Variants in EXT1 observed in about 807,000 individuals in gnomAD.
EXT1 encodes the protein exostosin-1.
In EXT1, 20 loss-of-function variants were observed where a neutral mutation model predicts 82.5. That is an observed-to-expected ratio of 0.24 (90% CI 0.17 to 0.35). EXT1 has a LOEUF of 0.35. EXT1 is among the 10% of genes least tolerant of loss of function. EXT1 has a pLI of 1.00. For missense variants in EXT1, 757 were observed against 936.5 expected (o/e 0.81, Z 2.50); for synonymous variants, 348 against 350.8 (o/e 0.99, Z 0.09).
chr8:117,936,965 G>C lies in EXT1; in HGVS notation c.963-99764C>G, dbSNP rs73323906. On this transcript the variant is annotated intron_variant, in intron 1 of 10. Transcript: ENST00000378204. ...TTCTAGATGTGGCCCAGAGCATTCT[G>C]ATTAACCCATTCAACACAGCACCTG... Among the ~76,000 whole-genome samples the C allele has an allele frequency of 6.8e-3, 1,031 of 152,254 alleles. 17 individuals are homozygous for C. Among genetic ancestry groups the C allele is most frequent in the African/African-American group, 0.024 (984 of 41,536 alleles).
At chr8:118,089,724 T>C (rs1021992191) in intron 1 of EXT1, among the ~76,000 whole-genome samples, 9 of 152,184 alleles carry the variant, frequency 5.9e-5, no homozygotes, top group African/African-American at 1.7e-4. Context: ...AAAGGTAAAA[T>C]TGAGCTTCTG....
At chr8:117,836,156 A>G (rs1228992044) in intron 2 of EXT1, among the ~76,000 whole-genome samples, 2 of 152,224 alleles carry the variant, frequency 1.3e-5, no homozygotes, top group Non-Finnish European at 2.9e-5. Context: ...CGGGAAATAA[A>G]CAGCCAAGAA....
Position 117,812,906 on chromosome 8 carries a change from C to T in EXT1, c.1688G>A (p.Ser563Asn), listed in dbSNP as rs1345805410. 5 of 1,614,028 alleles carry T rather than the reference C, an allele frequency of 3.1e-6. No homozygotes were observed. The highest frequency in any genetic ancestry group is 4.2e-6 in the Non-Finnish European group (5 of 1,180,006). ...YDNIITDAVL[S>N]LDEDTVLSTT... ...TGAAAGCACCGTGTCCTCGTCAAGG[C>T]TGAGCACGGCGTCTGTGATGATGTT... is the stretch of plus-strand genomic sequence containing the variant. Residue 563 changes from serine to asparagine, a missense_variant, in exon 8 of 11, where the codon AGC (serine) becomes AAC (asparagine). This residue lies in a region of EXT1 where 207 missense variants were observed against 224.2 expected (regional missense o/e 0.92). Transcript: ENST00000378204.
intron 1 of EXT1, among the ~76,000 whole-genome samples, chr8:118,009,948 A>G (rs1180798670): frequency 1.3e-5 from 2 of 152,314 alleles, no homozygotes; most frequent in East Asian, 3.9e-4. Flanking sequence ...TCAACTGCTG[A>G]GGGAATTGGG....
At chr8:117,863,323 G>A (rs906599223) in intron 1 of EXT1, among the ~76,000 whole-genome samples, 1 of 111,510 alleles carries the variant, frequency 9.0e-6, no homozygotes, top group Non-Finnish European at 2.2e-5. Context: ...TGATTCCAAA[G>A]TGCATGCTCT....
At chr8:117,838,673 C>A (rs1812224907) in intron 1 of EXT1, among the ~76,000 whole-genome samples, 1 of 152,110 alleles carries the variant, frequency 6.6e-6, no homozygotes, top group Non-Finnish European at 1.5e-5. Context: ...GTAGTGATTT[C>A]TTCATCCTCA....
At chr8:117,991,918 G>A (rs1013429724) in intron 1 of EXT1, among the ~76,000 whole-genome samples, 5 of 152,142 alleles carry the variant, frequency 3.3e-5, no homozygotes, top group African/African-American at 1.2e-4. Flanking sequence ...AATGGGTCAG[G>A]CTTGTCATAC....
At chr8:117,839,367 G>A (rs544706020) in intron 1 of EXT1, among the ~76,000 whole-genome samples, 9 of 152,172 alleles carry the variant, frequency 5.9e-5, no homozygotes, top group Non-Finnish European at 1.3e-4. Context: ...AAAGAGGAAT[G>A]TCCTTTGAGA....
chr8:117,819,923 T>C, intron 5 of EXT1, 129 bp from the exon 6 acceptor site: 1 of 883,006 alleles, frequency 1.1e-6, no homozygotes, highest in Non-Finnish European at 1.8e-6. Context: ...CTTTGCTTCT[T>C]ATGTCCTGAC....
intron 1 of EXT1, among the ~76,000 whole-genome samples, chr8:117,989,061 CA>C (rs10649300): frequency 0.018 from 1,905 of 105,304 alleles, 33 homozygotes; most frequent in African/African-American, 0.052. Flanking sequence ...CCCCTCCTCT[CA>C]AAAAAAAAAA....
rs2129735793 is a variant in EXT1 at position 117,968,738 on chromosome 8, T to G, written c.963-131537A>C. 1.9e-5 allele frequency among the ~76,000 whole-genome samples: 2 copies of G among 104,446 alleles called. 1 individual carries two copies. The highest frequency in any genetic ancestry group is 3.4e-5 in the Non-Finnish European group (2 of 58,476). 68.5% of individuals were successfully genotyped at this position (104,446 alleles called of 152,430 possible). A position where few individuals can be genotyped will look rare whatever the true frequency, so the allele number is the denominator to read the frequency against. On this transcript the variant is annotated intron_variant, in intron 1 of 10. Coordinates refer to ENST00000378204, the MANE Select transcript of EXT1 (RefSeq NM_000127.3). ...GCGCCCACCACGACGCCCGGCTAAT[T>G]TTTTGTATTTTTAGTAGAGACGGGG...
intron 1 of EXT1, among the ~76,000 whole-genome samples, chr8:117,908,694 A>G (rs186665654): frequency 6.6e-6 from 1 of 152,046 alleles, no homozygotes; most frequent in African/African-American, 2.4e-5. Context: ...ACACAAAACA[A>G]CTTGGAACTA....
At chr8:117,941,675 G>A (rs1814275773) in intron 1 of EXT1, among the ~76,000 whole-genome samples, 1 of 152,166 alleles carries the variant, frequency 6.6e-6, no homozygotes, top group South Asian at 2.1e-4. Flanking sequence ...CATATACATG[G>A]CACACCCTCA....
intron 1 of EXT1, among the ~76,000 whole-genome samples, chr8:118,096,508 G>C (rs933040897): frequency 6.6e-6 from 1 of 151,958 alleles, no homozygotes; most frequent in Non-Finnish European, 1.5e-5. Context: ...GGCTGAGGCA[G>C]GAGAATCACT....
At chr8:118,093,182 C>T (rs1004885219) in intron 1 of EXT1, among the ~76,000 whole-genome samples, 2 of 150,774 alleles carry the variant, frequency 1.3e-5, no homozygotes, top group Non-Finnish European at 3.0e-5. Flanking sequence ...ACACTCCCCC[C>T]ACCCCCCAAA....
At chr8:118,087,312 C>T (rs188411256) in intron 1 of EXT1, among the ~76,000 whole-genome samples, 40 of 152,294 alleles carry the variant, frequency 2.6e-4, no homozygotes, top group African/African-American at 8.2e-4. Flanking sequence ...ACCATTGAAT[C>T]GTTTCATCAG....
At chr8:118,093,862 G>A (rs1817563569) in intron 1 of EXT1, among the ~76,000 whole-genome samples, 1 of 152,172 alleles carries the variant, frequency 6.6e-6, no homozygotes, top group African/African-American at 2.4e-5. Flanking sequence ...TGCAGAAACG[G>A]TGCAGAGGTC....
intron 1 of EXT1, among the ~76,000 whole-genome samples, chr8:117,882,126 G>T (rs1011538125): frequency 4.6e-5 from 7 of 152,152 alleles, no homozygotes; most frequent in African/African-American, 1.7e-4. Context: ...CTGTCGCCCA[G>T]ACTGGAGTGC....
intron 1 of EXT1, among the ~76,000 whole-genome samples, chr8:117,879,625 G>C (rs1813027607): frequency 6.6e-6 from 1 of 152,170 alleles, no homozygotes; most frequent in Admixed American, 6.5e-5. Flanking sequence ...ATACAGGAAA[G>C]ACATACCTTA....
Sources: gnomAD v4.1 joint callset for allele counts (sites outside exome capture counted in the v4.1 genomes callset) on GRCh38, gnomAD v4.1.1 for gene constraint, gnomAD v4.1.1 regional missense constraint, MANE v1.5 for transcripts, NCBI Gene and HGNC (gene_info 2026-07-23, HGNC 2026-07-21) for gene names.